Variants in STXBP5L observed in about 807,000 individuals in gnomAD.
STXBP5L encodes syntaxin binding protein 5L, also known as syntaxin-binding protein 5-like.
In STXBP5L, 65 loss-of-function variants were observed where a neutral mutation model predicts 144.5. The ratio of observed to expected loss-of-function variants is 0.45; its 90% CI spans 0.37 to 0.55. The LOEUF is 0.55. Ranked by LOEUF, STXBP5L falls within the 20% of genes least tolerant of loss-of-function variation. The pLI is 0.00. For synonymous variants in STXBP5L, 505 were observed against 469.6 expected (o/e 1.08, Z -0.97); for missense variants, 1,298 against 1,405.5 (o/e 0.92, Z 1.22).
intron 21 of STXBP5L, 100 bp downstream of exon 21, chr3:121,378,986 T>A: frequency 8.0e-7 from 1 of 1,257,508 alleles, no homozygotes; most frequent in Non-Finnish European, 1.1e-6. Flanking sequence ...TGAAAGATGT[T>A]AAAAAACTAC....
At chr3:121,038,978 A>G (rs1946954322) in intron 3 of STXBP5L, among the ~76,000 whole-genome samples, 1 of 151,892 alleles carries the variant, frequency 6.6e-6, no homozygotes, top group African/African-American at 2.4e-5. Flanking sequence ...ATTTGTATAT[A>G]TTAACCTATT....
intron 3 of STXBP5L, among the ~76,000 whole-genome samples, chr3:120,988,442 T>A (rs1269093856): frequency 6.6e-6 from 1 of 152,040 alleles, no homozygotes; most frequent in Non-Finnish European, 1.5e-5. Context: ...CTAGTTTAAT[T>A]CCATTGTGTT....
At chr3:121,258,929 C>A in intron 17 of STXBP5L, 114 bp from the exon 18 acceptor site, 3 of 1,015,938 alleles carry the variant, frequency 3.0e-6, no homozygotes, top group Non-Finnish European at 3.9e-6. Flanking sequence ...CTGCATGCTG[C>A]CTGCAATGCC....
intron 20 of STXBP5L, among the ~76,000 whole-genome samples, chr3:121,369,957 C>T (rs185578488): frequency 1.2e-4 from 18 of 152,170 alleles, no homozygotes; most frequent in Admixed American, 2.6e-4. Context: ...AATCTCATGT[C>T]GAATTGTAAT....
chr3:121,186,274 T>C (rs996302380), intron 9 of STXBP5L, among the ~76,000 whole-genome samples: 1 of 152,222 alleles, frequency 6.6e-6, no homozygotes, highest in Non-Finnish European at 1.5e-5. Context: ...CTTTTCCTAA[T>C]GAATACACTT....
At chr3:121,210,691 C>T (rs896406220) in intron 10 of STXBP5L, among the ~76,000 whole-genome samples, 2 of 152,156 alleles carry the variant, frequency 1.3e-5, no homozygotes, top group Non-Finnish European at 1.5e-5. Context: ...ATAGGGAATC[C>T]TTTCCCCATT....
intron 20 of STXBP5L, among the ~76,000 whole-genome samples, chr3:121,376,736 G>A (rs922028533): frequency 3.3e-5 from 5 of 152,154 alleles, no homozygotes; most frequent in Admixed American, 2.6e-4. Flanking sequence ...GGTTCCATAT[G>A]AAACTTAAAG....
intron 5 of STXBP5L, among the ~76,000 whole-genome samples, chr3:121,096,722 G>A (rs2043150291): frequency 6.6e-6 from 1 of 152,024 alleles, no homozygotes; most frequent in Admixed American, 6.6e-5. Context: ...TGGAATCTTT[G>A]TCCCAGAGGG....
At chr3:121,239,931 G>T (rs1334601156) in intron 13 of STXBP5L, among the ~76,000 whole-genome samples, 1 of 151,658 alleles carries the variant, frequency 6.6e-6, no homozygotes, top group Non-Finnish European at 1.5e-5. Flanking sequence ...ATTAATTAAT[G>T]GTTTAGGAAA....
chr3:121,339,068 A>G lies in STXBP5L; in HGVS notation c.2176+20528A>G, dbSNP rs149929787. On this transcript the variant is annotated intron_variant, in intron 20 of 26. Coordinates refer to ENST00000471454, the MANE Select transcript of STXBP5L (RefSeq NM_001308330.2). ...TCTATGAAGCCAGTATCACCTTGAT[A>G]CCAAAGCCAGGAAAGGGCATACAAA... Among the ~76,000 whole-genome samples the G allele has an allele frequency of 3.0e-3, 462 of 152,284 alleles. 3 individuals are homozygous for G. The highest frequency in any genetic ancestry group is 0.01 in the African/African-American group (431 of 41,558).
chr3:120,925,371 T>C (rs1709567248), intron 2 of STXBP5L, among the ~76,000 whole-genome samples: 1 of 152,210 alleles, frequency 6.6e-6, no homozygotes, highest in Non-Finnish European at 1.5e-5. Context: ...TTATAATCAT[T>C]ATATCCTCTT....
chr3:121,268,623 G>A (rs550311588), intron 18 of STXBP5L, among the ~76,000 whole-genome samples: 15 of 152,104 alleles, frequency 9.9e-5, no homozygotes, highest in South Asian at 4.2e-4. Context: ...ACATTAAAGC[G>A]TAATAGATTG....
At chr3:121,091,061 G>C (rs565736149) in intron 5 of STXBP5L, among the ~76,000 whole-genome samples, 6 of 150,936 alleles carry the variant, frequency 4.0e-5, no homozygotes, top group African/African-American at 1.5e-4. Context: ...AGTTTACTGA[G>C]AATGATGCTT....
intron 5 of STXBP5L, among the ~76,000 whole-genome samples, chr3:121,050,825 G>A (rs908251006): frequency 3.3e-5 from 5 of 152,240 alleles, no homozygotes; most frequent in Admixed American, 3.3e-4. Flanking sequence ...TCAGTGTGCT[G>A]TATTCAGGAA....
At chr3:121,196,699 G>A (rs2047933096) in intron 9 of STXBP5L, among the ~76,000 whole-genome samples, 1 of 151,230 alleles carries the variant, frequency 6.6e-6, no homozygotes, top group African/African-American at 2.4e-5. Flanking sequence ...GTCCCATTCT[G>A]TCACGCAGGC....
chr3:121,339,118 A>T (rs2044615666), intron 20 of STXBP5L, among the ~76,000 whole-genome samples: 1 of 152,162 alleles, frequency 6.6e-6, no homozygotes, highest in Non-Finnish European at 1.5e-5. Flanking sequence ...AAACAAAAAA[A>T]CACAAAATGA....
chr3:121,354,570 T>A (rs1282263619), intron 20 of STXBP5L, among the ~76,000 whole-genome samples: 5 of 150,650 alleles, frequency 3.3e-5, no homozygotes, highest in Non-Finnish European at 7.4e-5. Flanking sequence ...ATCCCTTTAT[T>A]TTTAGCTTAT....
chr3:121,289,055 A>C (rs1292010184), intron 19 of STXBP5L, among the ~76,000 whole-genome samples: 1 of 152,096 alleles, frequency 6.6e-6, no homozygotes, highest in African/African-American at 2.4e-5. Flanking sequence ...TAATCTGTAC[A>C]CCAAACTCCC....
rs550057016 is a variant in STXBP5L, at chr3:120,959,122, G to T, written c.287+4085G>T. On this transcript the variant is annotated intron_variant, in intron 3 of 26. Coordinates refer to ENST00000471454, the MANE Select transcript of STXBP5L (RefSeq NM_001308330.2). Reference sequence around the variant, plus strand: ...CTTATACACCAAAAACAGACAGAGAGCCAAATCATGAGTGAACTCCCATTC... The same window carrying T: ...CTTATACACCAAAAACAGACAGAGATCCAAATCATGAGTGAACTCCCATTC... 7.9e-5 allele frequency among the ~76,000 whole-genome samples: 12 copies of T among 152,252 alleles called. No homozygotes were observed. The East Asian group carries it at 2.3e-3, about 29-fold the overall frequency.
Sources: allele counts gnomAD v4.1 joint callset (sites outside exome capture counted in the v4.1 genomes callset), GRCh38; gene constraint gnomAD v4.1.1; transcripts MANE v1.5; gene names NCBI Gene and HGNC (gene_info 2026-07-23, HGNC 2026-07-21).